MCM5: variants seen among roughly 807,000 people sequenced by gnomAD.
MCM5 encodes the protein DNA replication licensing factor MCM5.
Under a neutral mutation model 79.9 loss-of-function variants are expected in MCM5, and 46 were observed. That is an observed-to-expected ratio of 0.58 (90% CI 0.45 to 0.74). The LOEUF (loss-of-function observed/expected upper bound fraction) is 0.74. Ranked by LOEUF, MCM5 falls within the 30% of genes least tolerant of loss-of-function variation. The pLI, the probability that MCM5 is intolerant of heterozygous loss-of-function variation, is 0.00. For missense variants in MCM5, 883 were observed against 1,017.0 expected, an observed-to-expected ratio of 0.87 and a Z score of 1.79; for synonymous variants, 404 against 390.5, an observed-to-expected ratio of 1.03 and a Z score of -0.41.
At position 35,401,917 on chromosome 22, in the gene MCM5, C is replaced by T. The variant is rs1216424248; in HGVS notation, c.168-1290C>T. The T allele has an allele frequency of 1.1e-5, 4 of 355,964 alleles. No individual in the cohort carries two copies. In the Admixed American group the frequency reaches 1.5e-4, roughly 13 times the overall value. 22.1% of individuals were successfully genotyped at this position (355,964 alleles called of 1,614,324 possible). ...AGAAAGCTTTCTGTCTAGGTAGGAG[C>T]AATTGCTTGTGTAGAGGTGTGGGGT... On this transcript the variant is annotated intron_variant, in intron 2 of 16. Transcript: ENST00000216122.
chr22:35,400,693 G>GCA, intron 2 of MCM5, 88 bp downstream of exon 2: 1 of 1,395,106 alleles, frequency 7.2e-7, no homozygotes, highest in Non-Finnish European at 9.5e-7. Flanking sequence ...GACAGTCAGG[G>GCA]CACAGATGGG....
At chr22:35,421,759 TA>T in intron 15 of MCM5, 1 of 440,662 alleles carries the variant, frequency 2.3e-6, no homozygotes, top group South Asian at 2.1e-5. Context: ...CTCTGCTTCC[TA>T]GAGCTTGTCA....
At chr22:35,402,436 C>T (rs1283579177) in intron 2 of MCM5, among the ~76,000 whole-genome samples, 1 of 151,430 alleles carries the variant, frequency 6.6e-6, no homozygotes, top group East Asian at 1.9e-4. Flanking sequence ...AAGTGATTCT[C>T]CTGCCTCAGT....
At chr22:35,429,418 G>A (rs1401521580), downstream of MCM5, among the ~76,000 whole-genome samples, 2 of 152,106 alleles carry the variant, frequency 1.3e-5, no homozygotes, top group Admixed American at 1.3e-4. Context: ...AGCCACCAAG[G>A]GTCGTCTTCT....
intron 13 of MCM5, among the ~76,000 whole-genome samples, chr22:35,418,318 C>T (rs555735537): frequency 1.6e-4 from 24 of 152,110 alleles, no homozygotes; most frequent in African/African-American, 5.3e-4. Context: ...CTCAGTGAGT[C>T]GCAGCTGCAA....
intron 5 of MCM5, 152 bp from the exon 6 acceptor site, chr22:35,408,256 C>G: frequency 1.6e-6 from 1 of 627,060 alleles, no homozygotes; most frequent in Non-Finnish European, 2.8e-6. Flanking sequence ...TACCTCCAGG[C>G]AGCGTTGCCT....
chr22:35,414,352 G>A (rs1049729455), intron 9 of MCM5, among the ~76,000 whole-genome samples: 2 of 152,128 alleles, frequency 1.3e-5, no homozygotes, highest in Non-Finnish European at 2.9e-5. Flanking sequence ...GGGCATGGTG[G>A]TTCATCCCTG....
chr22:35,449,292 G>A, the MCM5 span, among the ~76,000 whole-genome samples: 39 of 152,330 alleles, frequency 2.6e-4, no homozygotes, highest in African/African-American at 8.4e-4. Context: ...GCACAGAAAC[G>A]AAGCAGAAAT....
chr22:35,416,306 A>G, intron 10 of MCM5, 33 bp from the exon 11 acceptor site: 2 of 1,597,908 alleles, frequency 1.3e-6, no homozygotes, highest in East Asian at 4.5e-5. Flanking sequence ...TCACTTCAGT[A>G]GGTCTGATGA....
At chr22:35,426,609 C>T (rs2145807092), downstream of MCM5, among the ~76,000 whole-genome samples, 1 of 152,328 alleles carries the variant, frequency 6.6e-6, no homozygotes, top group Admixed American at 6.5e-5. Context: ...AGCCTCCTTT[C>T]ATCTGTAGAA....
chr22:35,448,843 G>C, the MCM5 span, among the ~76,000 whole-genome samples: 3 of 152,158 alleles, frequency 2.0e-5, no homozygotes, highest in Non-Finnish European at 4.4e-5. Context: ...CTGCTTCCTG[G>C]GCCTCTCATC....
chr22:35,401,833 G>C (rs955537967), intron 2 of MCM5: 6 of 390,754 alleles, frequency 1.5e-5, no homozygotes, highest in Non-Finnish European at 3.1e-5. Flanking sequence ...ACTTAGGGAA[G>C]TTTTCCGGGG....
At chr22:35,451,421 G>A in the MCM5 span, among the ~76,000 whole-genome samples, 11 of 152,246 alleles carry the variant, frequency 7.2e-5, no homozygotes, top group Admixed American at 7.2e-4. Flanking sequence ...CGCAAGCTGC[G>A]CGTTCATGGA....
chr22:35,451,437 G>A, the MCM5 span, among the ~76,000 whole-genome samples: 2 of 152,360 alleles, frequency 1.3e-5, no homozygotes, highest in East Asian at 1.9e-4. Context: ...ATGGAGATGG[G>A]GGAGGCCCCC....
intron 5 of MCM5, among the ~76,000 whole-genome samples, chr22:35,407,432 T>C (rs1347566856): frequency 2.0e-5 from 3 of 152,074 alleles, no homozygotes; most frequent in Admixed American, 1.3e-4. Context: ...GACACTCAGG[T>C]GGTCCAGTCA....
intron 8 of MCM5, 50 bp from the exon 9 acceptor site, chr22:35,413,825 G>A (rs776418645): frequency 9.5e-7 from 1 of 1,057,078 alleles, no homozygotes; most frequent in Non-Finnish European, 1.5e-6. Flanking sequence ...GATGTCACAT[G>A]CGATGCCCTC....
chr22:35,448,473 C>G, the MCM5 span, among the ~76,000 whole-genome samples: 9 of 152,282 alleles, frequency 5.9e-5, no homozygotes, highest in South Asian at 2.1e-4. Context: ...TCCTGCTAAA[C>G]GCCCCACAAA....
chr22:35,419,594 T>A (rs1388758663), intron 13 of MCM5, among the ~76,000 whole-genome samples: 1 of 152,230 alleles, frequency 6.6e-6, no homozygotes, highest in Non-Finnish European at 1.5e-5. Flanking sequence ...ACACAGCGTC[T>A]AACAGTGGGG....
At chr22:35,426,168 G>A (rs1469834948), downstream of MCM5, among the ~76,000 whole-genome samples, 2 of 152,102 alleles carry the variant, frequency 1.3e-5, no homozygotes, top group Admixed American at 1.3e-4. Context: ...GCTTTTCCGT[G>A]GTAGTTGGGG....
Sources: gnomAD v4.1 joint callset for allele counts (sites outside exome capture counted in the v4.1 genomes callset) on GRCh38, gnomAD v4.1.1 for gene constraint, MANE v1.5 for transcripts, NCBI Gene and HGNC (gene_info 2026-07-23, HGNC 2026-07-21) for gene names.